Variants in ZC3H11A observed in about 807,000 individuals in gnomAD.
ZC3H11A encodes the protein zinc finger CCCH domain-containing protein 11A.
Under a neutral mutation model 90.8 loss-of-function variants are expected in ZC3H11A, and 22 were observed. The ratio of observed to expected loss-of-function variants is 0.24; its 90% CI spans 0.17 to 0.35. The LOEUF (loss-of-function observed/expected upper bound fraction) is 0.35. Ranked by LOEUF, ZC3H11A falls within the 10% of genes least tolerant of loss-of-function variation. The pLI, the probability that ZC3H11A is intolerant of heterozygous loss-of-function variation, is 1.00. For missense variants in ZC3H11A, 701 were observed against 964.9 expected, an observed-to-expected ratio of 0.73 and a Z score of 3.62; for synonymous variants, 294 against 339.8, an observed-to-expected ratio of 0.87 and a Z score of 1.48.
intron 12 of ZC3H11A, among the ~76,000 whole-genome samples, chr1:203,841,635 T>C (rs61827272): frequency 0.26 from 38,822 of 151,972 alleles, 5,244 homozygotes; most frequent in East Asian, 0.34. Context: ...AAACCGCCTT[T>C]GTCATCATGG....
intron 2 of ZC3H11A, chr1:203,805,541 T>C: frequency 1.8e-6 from 1 of 560,328 alleles, no homozygotes; most frequent in Non-Finnish European, 3.6e-6. Context: ...CAGAAACGTA[T>C]CTGTTACGGT....
Position 203,852,432 on chromosome 1 carries a change from C to T in ZC3H11A, c.*33C>T, listed in dbSNP as rs909652446. ...AGTGAGGACACTTTAAAAAAAAAAT[C>T]GCCAAAAAACTGGACTTAGTTTCAT... is the stretch of plus-strand genomic sequence containing the variant. On this transcript the variant is annotated 3_prime_UTR_variant, in exon 18 of 18. Transcript: ENST00000367210. The T allele has an allele frequency of 4.4e-6, 7 of 1,601,250 alleles. No homozygotes were observed. The highest frequency in any genetic ancestry group is 2.3e-5 in the South Asian group (2 of 88,750).
At position 203,818,570 on chromosome 1, in the gene ZC3H11A, G is replaced by A. The variant is rs1677157087; in HGVS notation, c.55G>A (p.Gly19Ser). 1.2e-6 allele frequency: 2 copies of A among 1,613,804 alleles called. No homozygotes were observed. Among genetic ancestry groups the A allele is most frequent in the Non-Finnish European group, 1.7e-6 (2 of 1,179,906 alleles). ...TAGAGTGTTCTCTATTTGTTTACAGGGTGACAGCTGCCCATTCCGTCACTG... is the reference window on the plus strand; with the variant it reads ...TAGAGTGTTCTCTATTTGTTTACAGAGTGACAGCTGCCCATTCCGTCACTG... Reference protein sequence around the residue: ...YFFFYSTCTKGDSCPFRHCEA... With the variant: ...YFFFYSTCTKSDSCPFRHCEA... Residue 19 changes from glycine (G) to serine (S), a missense_variant and splice_region_variant, in exon 4 of 18, where the codon GGT becomes AGT. Gly to Ser is a moderately conservative substitution (Grantham distance 56, BLOSUM62 0). Coordinates refer to ENST00000367210, the MANE Select transcript of ZC3H11A (RefSeq NM_001376342.1).
chr1:203,833,891 T>A (rs1683330176), intron 10 of ZC3H11A, 38 bp downstream of exon 10: 1 of 1,580,824 alleles, frequency 6.3e-7, no homozygotes, highest in East Asian at 2.3e-5. Context: ...CTTTTCTACT[T>A]GTTTGTGCAT....
At chr1:203,815,411 G>T in intron 2 of ZC3H11A, among the ~76,000 whole-genome samples, 1 of 142,134 alleles carries the variant, frequency 7.0e-6, no homozygotes, top group Non-Finnish European at 1.5e-5. Context: ...AAGAGATGGG[G>T]TTTTGCCATG....
chr1:203,800,089 A>G (rs773559345), intron 1 of ZC3H11A: 7 of 1,535,978 alleles, frequency 4.6e-6, no homozygotes, highest in Non-Finnish European at 5.2e-6. Flanking sequence ...CTTGGAAGCA[A>G]AAGCTTCATG....
chr1:203,800,506 C>CTGTA, intron 1 of ZC3H11A: 4 of 1,443,086 alleles, frequency 2.8e-6, no homozygotes, highest in Non-Finnish European at 3.6e-6. Flanking sequence ...TGCTGTGTTA[C>CTGTA]TGTATCTTAA....
Position 203,852,051 on chromosome 1 carries a change from A to G in ZC3H11A, c.2175-90A>G, listed in dbSNP as rs1434021010. The G allele has an allele frequency of 4.8e-5, 70 of 1,456,252 alleles. 1 individual carries two copies. Among genetic ancestry groups the G allele is most frequent in the Non-Finnish European group, 1.9e-6 (2 of 1,074,108 alleles). The allele number at this position is 1,456,252 out of a possible 1,614,324, so 90.2% of individuals were successfully genotyped here. ...TCTTTATGTATGTTCTTAAAAACAA[A>G]TTTTTGCTCACTTTGTGTCCGTGAG... On this transcript the variant is annotated intron_variant, in intron 17 of 17. Coordinates refer to ENST00000367210, the MANE Select transcript of ZC3H11A (RefSeq NM_001376342.1).
chr1:203,851,853 C>T (rs1262277012), intron 17 of ZC3H11A, among the ~76,000 whole-genome samples: 1 of 151,286 alleles, frequency 6.6e-6, no homozygotes, highest in East Asian at 2.0e-4. Flanking sequence ...CCTGTAGACC[C>T]AGCTACTTGG....
intron 2 of ZC3H11A, among the ~76,000 whole-genome samples, chr1:203,808,611 C>T (rs1673170055): frequency 6.6e-6 from 1 of 152,052 alleles, no homozygotes; most frequent in African/African-American, 2.4e-5. Flanking sequence ...TATACAATTT[C>T]CCTCTTAGTG....
chr1:203,851,160 G>T, intron 17 of ZC3H11A, 36 bp downstream of exon 17: 7 of 1,600,506 alleles, frequency 4.4e-6, no homozygotes, highest in Non-Finnish European at 6.0e-6. Flanking sequence ...CAAACTCCAG[G>T]CCCCTGTTAC....
intron 10 of ZC3H11A, among the ~76,000 whole-genome samples, chr1:203,836,545 C>T (rs1004290714): frequency 5.9e-5 from 9 of 152,230 alleles, no homozygotes; most frequent in Non-Finnish European, 8.8e-5. Flanking sequence ...GTCAGGAGTT[C>T]GAGACCGGCC....
rs754218492 is a variant in ZC3H11A, at chr1:203,831,670, C to T, written c.710C>T (p.Ser237Leu). The T allele has an allele frequency of 3.1e-6, 5 of 1,612,030 alleles. No individual in the cohort carries two copies. In the South Asian group the frequency reaches 5.5e-5, roughly 18 times the overall value. Residue 237 changes from serine (S) to leucine (L), a missense_variant, in exon 9 of 18, where the codon TCA becomes TTA. Ser to Leu is a moderately radical substitution (Grantham distance 145, BLOSUM62 -2). Transcript: ENST00000367210. ...EKSKKQGEGS[S>L]GVSSLLLHPE... ...GACTTGCCTTATTCAGAGGGTTCTT[C>T]AGGAGTTTCCAGTCTTTTACTCCAC...
rs529948263 is a variant in ZC3H11A at position 203,809,158 on chromosome 1, G to C, written c.-146+6142G>C. The stretch of plus-strand genomic sequence containing the variant: ...GTTTTCTTATTATTTTTGAAGCTTT[G>C]TTTTCTTCTCACTGTTTTTTTTTTT... On this transcript the variant is annotated intron_variant, in intron 2 of 17. Coordinates refer to ENST00000367210, the MANE Select transcript of ZC3H11A (RefSeq NM_001376342.1). 2.9e-3 allele frequency among the ~76,000 whole-genome samples: 337 copies of C among 117,646 alleles called. 1 individual carries two copies. The highest frequency in any genetic ancestry group is 5.2e-3 in the Non-Finnish European group (295 of 56,416). 77.2% of individuals were successfully genotyped at this position (117,646 alleles called of 152,430 possible).
At chr1:203,799,513 C>G in intron 1 of ZC3H11A, 1 of 703,008 alleles carries the variant, frequency 1.4e-6, no homozygotes, top group Non-Finnish European at 2.6e-6. Flanking sequence ...CATTGCTACT[C>G]AGTTCACCAT....
intron 12 of ZC3H11A, among the ~76,000 whole-genome samples, chr1:203,845,282 A>T (rs371998224): frequency 4.6e-5 from 7 of 151,994 alleles, no homozygotes; most frequent in Admixed American, 2.0e-4. Flanking sequence ...TTGGTAGGGG[A>T]GGGAAACAGG....
intron 1 of ZC3H11A, chr1:203,796,281 A>T (rs1254684497): frequency 2.5e-6 from 1 of 396,478 alleles, no homozygotes; most frequent in Non-Finnish European, 4.4e-6. Flanking sequence ...ACCTACTCTC[A>T]TTCCTCTCCA....
At chr1:203,806,719 GT>G (rs1353624419) in intron 2 of ZC3H11A, among the ~76,000 whole-genome samples, 1 of 151,536 alleles carries the variant, frequency 6.6e-6, no homozygotes, top group Admixed American at 6.6e-5. Flanking sequence ...TACCTCTAGT[GT>G]TTTACCATAT....
chr1:203,806,174 T>C, intron 2 of ZC3H11A: 1 of 491,728 alleles, frequency 2.0e-6, no homozygotes, highest in South Asian at 1.6e-5. Flanking sequence ...ATCTTGTCAG[T>C]GGATTCTGCC....
Sources: allele counts gnomAD v4.1 joint callset (sites outside exome capture counted in the v4.1 genomes callset), GRCh38; gene constraint gnomAD v4.1.1; transcripts MANE v1.5; gene names NCBI Gene and HGNC (gene_info 2026-07-23, HGNC 2026-07-21).